SLC25A26: variants seen among roughly 807,000 people sequenced by gnomAD.
The protein encoded by SLC25A26 is mitochondrial S-adenosylmethionine carrier protein.
Under a neutral mutation model 37.8 loss-of-function variants are expected in SLC25A26, and 36 were observed. The ratio of observed to expected loss-of-function variants is 0.95; its 90% CI spans 0.73 to 1.26. SLC25A26 has a LOEUF of 1.26. SLC25A26 is among the 50% of genes most tolerant of loss of function. The pLI, the probability that SLC25A26 is intolerant of heterozygous loss-of-function variation, is 0.00. For synonymous variants in SLC25A26, 129 were observed against 122.5 expected, an observed-to-expected ratio of 1.05 and a Z score of -0.35; for missense variants, 390 against 331.1, an observed-to-expected ratio of 1.18 and a Z score of -1.38.
Position 66,209,661 on chromosome 3 carries a change from T to C in SLC25A26, c.-353-11081T>C, listed in dbSNP as rs941341985. Among the ~76,000 whole-genome samples, 175 of 139,386 alleles carry C rather than the reference T, an allele frequency of 1.3e-3. 2 individuals are homozygous for C. The highest frequency in any genetic ancestry group is 2.2e-3 in the Non-Finnish European group (146 of 65,348). The allele number at this position is 139,386 out of a possible 152,430, so 91.4% of individuals were successfully genotyped here. On this transcript the variant is annotated intron_variant, in intron 1 of 10. Coordinates refer to the SLC25A26 transcript ENST00000676754. Reference sequence around the variant, plus strand: ...TATATATACCTTTTATAGATATATATAAATATATATATTTTATAGGTATAT... The same window carrying C: ...TATATATACCTTTTATAGATATATACAAATATATATATTTTATAGGTATAT...
chr3:66,199,588 T>C (rs2071084850), intron 1 of SLC25A26, among the ~76,000 whole-genome samples: 2 of 152,108 alleles, frequency 1.3e-5, no homozygotes, highest in South Asian at 4.2e-4. Context: ...GGCCTTCATC[T>C]TGACTCTGAC....
chr3:66,262,188 T>C (rs2073557366), intron 4 of SLC25A26, 33 bp downstream of exon 4: 1 of 1,182,912 alleles, frequency 8.5e-7, no homozygotes, highest in East Asian at 2.6e-5. Flanking sequence ...TTCTTTTCTT[T>C]ATTAAGATTT....
chr3:66,154,551 T>C (rs1247632717), intron 1 of SLC25A26, among the ~76,000 whole-genome samples: 2 of 150,090 alleles, frequency 1.3e-5, no homozygotes, highest in East Asian at 1.9e-4. Flanking sequence ...TTTTTTTTTT[T>C]TTTTTTTGGT....
At chr3:66,174,269 T>C (rs1353249269) in intron 1 of SLC25A26, among the ~76,000 whole-genome samples, 1 of 152,206 alleles carries the variant, frequency 6.6e-6, no homozygotes, top group Non-Finnish European at 1.5e-5. Context: ...AGCAGTAGCT[T>C]GGGAAGTTGT....
intron 5 of SLC25A26, among the ~76,000 whole-genome samples, chr3:66,265,172 A>T (rs923961812): frequency 2.0e-5 from 3 of 151,926 alleles, no homozygotes; most frequent in Admixed American, 1.3e-4. Flanking sequence ...CTAGCTGGGC[A>T]TGGTGGTGCC....
chr3:66,236,486 G>A (rs2072291910), intron 1 of SLC25A26, 58 bp from the exon 2 acceptor site: 1 of 1,375,594 alleles, frequency 7.3e-7, no homozygotes, highest in Non-Finnish European at 9.6e-7. Context: ...AAGTGGCCGA[G>A]AGCTTATTTT....
At chr3:66,315,494 A>G (rs2075512168) in intron 5 of SLC25A26, among the ~76,000 whole-genome samples, 1 of 152,102 alleles carries the variant, frequency 6.6e-6, no homozygotes, top group Non-Finnish European at 1.5e-5. Context: ...ACTGTTTGTT[A>G]TGATTTCAGT....
chr3:66,299,713 T>G (rs2075015903), intron 5 of SLC25A26, among the ~76,000 whole-genome samples: 1 of 152,194 alleles, frequency 6.6e-6, no homozygotes, highest in African/African-American at 2.4e-5. Flanking sequence ...ATAAACTGAT[T>G]TGGATTTTTA....
At chr3:66,209,471 A>AT (rs2071244343) in intron 1 of SLC25A26, among the ~76,000 whole-genome samples, 1 of 141,566 alleles carries the variant, frequency 7.1e-6, no homozygotes, top group Non-Finnish European at 1.5e-5. Context: ...ATATATATAT[A>AT]AAGGTGTATA....
intron 3 of SLC25A26, among the ~76,000 whole-genome samples, chr3:66,258,292 G>C (rs572533061): frequency 4.6e-5 from 7 of 152,220 alleles, no homozygotes; most frequent in African/African-American, 1.7e-4. Context: ...GCTGGAGGAC[G>C]TAAGAGCTGT....
chr3:66,266,026 T>G (rs2073733502), intron 5 of SLC25A26, among the ~76,000 whole-genome samples: 1 of 152,248 alleles, frequency 6.6e-6, no homozygotes. Context: ...AAAAATTTGT[T>G]TTGACATATG....
At chr3:66,179,462 A>C (rs1468234373) in intron 1 of SLC25A26, among the ~76,000 whole-genome samples, 1 of 152,218 alleles carries the variant, frequency 6.6e-6, no homozygotes, top group African/African-American at 2.4e-5. Context: ...GCTAACAGAG[A>C]AATTTAAAGA....
chr3:66,237,998 A>G (rs191801191), intron 2 of SLC25A26, among the ~76,000 whole-genome samples: 31 of 152,284 alleles, frequency 2.0e-4, no homozygotes, highest in African/African-American at 7.2e-4. Flanking sequence ...CCCAGCCATC[A>G]TTAGAATGGC....
At chr3:66,324,988 C>CA (rs2075799715) in intron 5 of SLC25A26, among the ~76,000 whole-genome samples, 1 of 152,076 alleles carries the variant, frequency 6.6e-6, no homozygotes, top group African/African-American at 2.4e-5. Context: ...AAATGTGACT[C>CA]AAATAGTTCA....
chr3:66,209,897 T>TATATATA lies in SLC25A26; in HGVS notation c.-353-10845_-353-10844insATATATA, dbSNP rs1491157842. 4.2e-3 allele frequency among the ~76,000 whole-genome samples: 163 copies of TATATATA among 38,354 alleles called. 14 individuals are homozygous for TATATATA. Among genetic ancestry groups the TATATATA allele is most frequent in the African/African-American group, 0.015 (154 of 10,578 alleles). 25.2% of individuals were successfully genotyped at this position (38,354 alleles called of 152,430 possible). A position where few individuals can be genotyped will look rare whatever the true frequency, so the allele number is the denominator to read the frequency against. ...ATATACTCCTCTCTCTCTCTCTCTA[T>TATATATA]TTATATATATATATATATATATATA... On this transcript the variant is annotated intron_variant, in intron 1 of 10. Transcript: ENST00000676754.
intron 5 of SLC25A26, among the ~76,000 whole-genome samples, chr3:66,266,576 C>CTTTTTTTTT (rs1004250488): frequency 7.2e-5 from 8 of 111,532 alleles, no homozygotes; most frequent in Admixed American, 1.9e-4. Context: ...TGTTGTCACA[C>CTTTTTTTTT]TTTTTTTTTT....
intron 3 of SLC25A26, among the ~76,000 whole-genome samples, chr3:66,245,920 C>T (rs1164323941): frequency 6.6e-6 from 1 of 152,150 alleles, no homozygotes; most frequent in African/African-American, 2.4e-5. Flanking sequence ...CATTTTAAAA[C>T]ATCTCTCCCC....
At chr3:66,275,365 C>G (rs1051434645) in intron 5 of SLC25A26, among the ~76,000 whole-genome samples, 2 of 151,738 alleles carry the variant, frequency 1.3e-5, no homozygotes, top group African/African-American at 4.8e-5. Flanking sequence ...CTAACCTGCA[C>G]ATTGTGCACA....
At chr3:66,289,515 G>C (rs919487803) in intron 5 of SLC25A26, among the ~76,000 whole-genome samples, 7 of 152,134 alleles carry the variant, frequency 4.6e-5, no homozygotes, top group African/African-American at 1.7e-4. Context: ...AGTAAAGAAG[G>C]GGTCCATTTT....
Sources: gnomAD v4.1 joint callset for allele counts (sites outside exome capture counted in the v4.1 genomes callset) on GRCh38, gnomAD v4.1.1 for gene constraint, MANE v1.5 for transcripts, NCBI Gene and HGNC (gene_info 2026-07-23, HGNC 2026-07-21) for gene names.